Variants in ZNF532 observed in about 807,000 individuals in gnomAD.
The protein encoded by ZNF532 is zinc finger protein 532.
A neutral mutation model predicts 89.3 loss-of-function variants in ZNF532; 22 were observed. The ratio of observed to expected loss-of-function variants is 0.25; its 90% CI spans 0.18 to 0.35. The LOEUF (loss-of-function observed/expected upper bound fraction) is 0.35, where lower values mean the gene tolerates loss of function less well. Among genes scored for constraint, ZNF532 ranks in the 10% least tolerant of loss-of-function variants. The pLI is 1.00. For missense variants in ZNF532, 1,132 were observed against 1,643.4 expected, an observed-to-expected ratio of 0.69 and a Z score of 5.38; for synonymous variants, 606 against 649.6, an observed-to-expected ratio of 0.93 and a Z score of 1.02.
intron 2 of ZNF532, among the ~76,000 whole-genome samples, chr18:58,886,445 GACTCTAACCTC>G (rs2058312969): frequency 6.6e-6 from 1 of 151,756 alleles, no homozygotes; most frequent in African/African-American, 2.4e-5. Flanking sequence ...TACTTACAGT[GACTCTAACCTC>G]ACTTTTAATC....
intron 5 of ZNF532, among the ~76,000 whole-genome samples, chr18:58,942,171 C>T (rs569964067): frequency 2.2e-3 from 329 of 151,626 alleles, no homozygotes; most frequent in African/African-American, 3.1e-3. Context: ...TACAGGCGCC[C>T]ACCACCACGC....
rs769949482 is a variant in ZNF532, at chr18:58,918,757, C to T, written c.470C>T (p.Ser157Leu). Reference sequence around the variant, plus strand: ...CCCCCTGACAAGGAGGACATGCGATCAAGCTTCAGGTCGAATGTGTTGACG... The same window carrying T: ...CCCCCTGACAAGGAGGACATGCGATTAAGCTTCAGGTCGAATGTGTTGACG... ...DDPPDKEDMR[S>L]SFRSNVLTGS... Residue 157 changes from serine to leucine, a missense_variant, in exon 3 of 10, where the codon TCA (serine) becomes TTA (leucine). Ser to Leu is a moderately radical substitution (Grantham distance 145). Transcript: ENST00000591808. 6 of 1,614,052 alleles carry T rather than the reference C, an allele frequency of 3.7e-6. No homozygotes were observed. The African/African-American group carries it at 6.7e-5, about 18-fold the overall frequency.
chr18:58,975,320 C>T (rs1429143885), intron 7 of ZNF532, among the ~76,000 whole-genome samples: 3 of 152,164 alleles, frequency 2.0e-5, no homozygotes, highest in Admixed American at 6.5e-5. Context: ...GCAGATACCT[C>T]GTGGAGGTAG....
chr18:58,951,992 TG>T (rs2064255991), intron 6 of ZNF532, among the ~76,000 whole-genome samples: 1 of 152,204 alleles, frequency 6.6e-6, no homozygotes, highest in Admixed American at 6.5e-5. Flanking sequence ...GTTGCCTGTT[TG>T]GGTAGACCTT....
chr18:58,868,523 C>G (rs76547799), intron 2 of ZNF532, among the ~76,000 whole-genome samples: 13,343 of 152,222 alleles, frequency 0.088, 611 homozygotes, highest in Middle Eastern at 0.16. Context: ...ACTATAGGGA[C>G]ATGGTTCTCT....
intron 3 of ZNF532, among the ~76,000 whole-genome samples, chr18:58,933,349 G>GA (rs1246075235): frequency 3.3e-5 from 5 of 151,964 alleles, no homozygotes; most frequent in Non-Finnish European, 7.4e-5. Flanking sequence ...AAGTCACTCG[G>GA]AAGTTTAAAC....
intron 2 of ZNF532, among the ~76,000 whole-genome samples, chr18:58,869,128 G>A (rs2056750201): frequency 6.6e-6 from 1 of 152,236 alleles, no homozygotes; most frequent in African/African-American, 2.4e-5. Context: ...TGACCAAAAT[G>A]TTGGTTTGCG....
intron 2 of ZNF532, among the ~76,000 whole-genome samples, chr18:58,895,708 C>A (rs79916260): frequency 2.0e-5 from 3 of 152,142 alleles, no homozygotes; most frequent in African/African-American, 7.2e-5. Flanking sequence ...GGCTAAAAAT[C>A]GGGGCTCCCC....
intron 2 of ZNF532, among the ~76,000 whole-genome samples, chr18:58,877,021 C>T (rs2057483639): frequency 6.6e-6 from 1 of 151,898 alleles, no homozygotes; most frequent in Non-Finnish European, 1.5e-5. Flanking sequence ...GATCACACTA[C>T]TGCACTTCAG....
chr18:58,957,120 C>T (rs2064855498), intron 7 of ZNF532, among the ~76,000 whole-genome samples: 1 of 152,030 alleles, frequency 6.6e-6, no homozygotes, highest in Non-Finnish European at 1.5e-5. Flanking sequence ...TTGTAAATAC[C>T]TAGAGAACTG....
chr18:58,913,332 A>C (rs898227978), intron 2 of ZNF532, among the ~76,000 whole-genome samples: 3 of 152,228 alleles, frequency 2.0e-5, no homozygotes, highest in Non-Finnish European at 2.9e-5. Context: ...AGCTAGATTC[A>C]TTTTCTAAGA....
intron 3 of ZNF532, among the ~76,000 whole-genome samples, chr18:58,922,625 A>G (rs2061199494): frequency 6.6e-6 from 1 of 152,232 alleles, no homozygotes; most frequent in Non-Finnish European, 1.5e-5. Flanking sequence ...TCAAAGGATA[A>G]TATTTCTTTT....
At chr18:58,972,560 G>A (rs1211418991) in intron 7 of ZNF532, among the ~76,000 whole-genome samples, 2 of 152,118 alleles carry the variant, frequency 1.3e-5, no homozygotes, top group South Asian at 2.1e-4. Context: ...TCAATATCTG[G>A]GCCCCTTCGT....
chr18:58,863,552 G>C (rs1231589022), upstream of ZNF532: 1 of 2,522 alleles, frequency 4.0e-4, no homozygotes, highest in Non-Finnish European at 9.0e-4. Context: ...CCGCTCCACC[G>C]CACACGCACA....
chr18:58,890,625 T>G (rs572081790), intron 2 of ZNF532, among the ~76,000 whole-genome samples: 9 of 150,798 alleles, frequency 6.0e-5, no homozygotes, highest in Admixed American at 1.3e-4. Context: ...ATTTAAAAAG[T>G]AAGGAAGGAT....
intron 7 of ZNF532, among the ~76,000 whole-genome samples, chr18:58,967,716 G>A (rs1027567961): frequency 6.6e-6 from 1 of 152,132 alleles, no homozygotes; most frequent in Non-Finnish European, 1.5e-5. Context: ...GGTCTCCCAC[G>A]GCCTGCTGGG....
intron 7 of ZNF532, among the ~76,000 whole-genome samples, chr18:58,961,943 G>A (rs1190535830): frequency 1.3e-5 from 2 of 152,176 alleles, no homozygotes; most frequent in Non-Finnish European, 1.5e-5. Flanking sequence ...TTCTAGGGTC[G>A]GCTGGGCATG....
Position 58,909,240 on chromosome 18 carries a change from A to C in ZNF532, c.-17-9031A>C, listed in dbSNP as rs946802328. 5.9e-5 allele frequency among the ~76,000 whole-genome samples: 9 copies of C among 152,290 alleles called. No homozygotes were observed. In the East Asian group the frequency reaches 1.7e-3, roughly 29 times the overall value. ...AGTGTTGGGATTATAGGCGTGAGCC[A>C]CCGCGCCCAGCCTGCCTGAAGATTT... is the stretch of plus-strand genomic sequence containing the variant. On this transcript the variant is annotated intron_variant, in intron 2 of 9. Coordinates refer to ENST00000591808, the MANE Select transcript of ZNF532 (RefSeq NM_001375912.1).
intron 8 of ZNF532, chr18:58,981,059 C>G (rs181658539): frequency 2.4e-4 from 46 of 190,918 alleles, no homozygotes; most frequent in African/African-American, 1.0e-3. Context: ...CACTCGACTG[C>G]CATGAGTATA....
Sources: allele counts gnomAD v4.1 joint callset (sites outside exome capture counted in the v4.1 genomes callset), GRCh38; gene constraint gnomAD v4.1.1; transcripts MANE v1.5; gene names NCBI Gene and HGNC (gene_info 2026-07-23, HGNC 2026-07-21).